Variants in ATF1 observed in about 807,000 individuals in gnomAD.
ATF1 encodes activating transcription factor 1, also known as cyclic AMP-dependent transcription factor ATF-1.
In ATF1, 16 loss-of-function variants were observed where a neutral mutation model predicts 34.7. The ratio of observed to expected loss-of-function variants is 0.46; its 90% CI spans 0.31 to 0.70. The LOEUF is 0.70. Among genes scored for constraint, ATF1 ranks in the 30% least tolerant of loss-of-function variants. The pLI is 0.05. For synonymous variants in ATF1, 105 were observed against 113.1 expected (o/e 0.93, Z 0.46); for missense variants, 255 against 321.6 (o/e 0.79, Z 1.58).
intron 2 of ATF1, among the ~76,000 whole-genome samples, chr12:50,792,791 AC>A (rs1476719398): frequency 3.9e-5 from 6 of 151,950 alleles, no homozygotes; most frequent in African/African-American, 1.5e-4. Context: ...AAGGGAAAGC[AC>A]CCTTTTATCC....
intron 1 of ATF1, among the ~76,000 whole-genome samples, chr12:50,776,014 A>G (rs1251601594): frequency 3.9e-5 from 6 of 152,024 alleles, no homozygotes; most frequent in Non-Finnish European, 8.8e-5. Flanking sequence ...CGTCTCGACA[A>G]AAAATTTTAA....
chr12:50,801,479 C>T (rs1020149846), intron 3 of ATF1, among the ~76,000 whole-genome samples: 2 of 152,004 alleles, frequency 1.3e-5, no homozygotes, highest in Admixed American at 6.6e-5. Flanking sequence ...GAAGATCAGC[C>T]AATACTGAAG....
At chr12:50,794,239 C>T (rs1047790123) in intron 2 of ATF1, among the ~76,000 whole-genome samples, 9 of 151,610 alleles carry the variant, frequency 5.9e-5, no homozygotes, top group Admixed American at 3.3e-4. Context: ...CGTGAGCCAC[C>T]GCGCCTGGCC....
intron 2 of ATF1, among the ~76,000 whole-genome samples, chr12:50,782,404 C>G (rs555233046): frequency 1.3e-5 from 2 of 151,604 alleles, no homozygotes; most frequent in Non-Finnish European, 2.9e-5. Flanking sequence ...TACAGGCGCC[C>G]GCCACCACGC....
At chr12:50,776,712 A>G (rs1225509205) in intron 1 of ATF1, among the ~76,000 whole-genome samples, 1 of 152,172 alleles carries the variant, frequency 6.6e-6, no homozygotes, top group African/African-American at 2.4e-5. Flanking sequence ...AATATTTCCA[A>G]TTCCCTTACA....
At chr12:50,765,320 A>G (rs1482525717) in intron 1 of ATF1, among the ~76,000 whole-genome samples, 1 of 152,126 alleles carries the variant, frequency 6.6e-6, no homozygotes, top group African/African-American at 2.4e-5. Flanking sequence ...ATATGCAGTT[A>G]TCTCCGTGTC....
intron 4 of ATF1, among the ~76,000 whole-genome samples, chr12:50,810,432 G>A (rs1172499517): frequency 6.6e-6 from 1 of 151,312 alleles, no homozygotes; most frequent in Admixed American, 6.6e-5. Context: ...TGGCCAGGCT[G>A]GTCTCAAACT....
chr12:50,819,473 C>G (rs1941905307), intron 6 of ATF1, among the ~76,000 whole-genome samples, 162 bp from the exon 7 acceptor site: 1 of 152,032 alleles, frequency 6.6e-6, no homozygotes, highest in African/African-American at 2.4e-5. Flanking sequence ...TACACAATTG[C>G]CAAAACTGAC....
chr12:50,766,847 AT>A (rs1197134315), intron 1 of ATF1, among the ~76,000 whole-genome samples: 6 of 151,814 alleles, frequency 4.0e-5, no homozygotes, highest in African/African-American at 1.5e-4. Flanking sequence ...TGCGTTTCTT[AT>A]TTTTTCTATT....
chr12:50,814,379 C>G lies in ATF1; in HGVS notation c.611C>G (p.Ser204Cys). ...ATGACATCTCCTGTGACTCTCACCT[C>G]TCAGACAACTAAGACAGATGACCCC... Reference protein sequence around the residue: ...VVMTSPVTLTSQTTKTDDPQL... With the variant: ...VVMTSPVTLTCQTTKTDDPQL... Residue 204 changes from serine to cysteine, a missense_variant, in exon 6 of 7, where the codon TCT becomes TGT. This residue lies in a region of ATF1 where 221 missense variants were observed against 250.7 expected (regional missense o/e 0.88). Coordinates refer to ENST00000262053, the MANE Select transcript of ATF1 (RefSeq NM_005171.5). The G allele has an allele frequency of 1.9e-6, 3 of 1,614,116 alleles. No homozygotes were observed. Among genetic ancestry groups the G allele is most frequent in the Non-Finnish European group, 2.5e-6 (3 of 1,180,002 alleles).
intron 1 of ATF1, among the ~76,000 whole-genome samples, chr12:50,772,688 C>A (rs1291238758): frequency 6.6e-6 from 1 of 151,770 alleles, no homozygotes; most frequent in African/African-American, 2.4e-5. Context: ...CTCTCTCTCT[C>A]TCTCTCTTTT....
chr12:50,809,541 T>C lies in ATF1; in HGVS notation c.280T>C (p.Ser94Pro). Residue 94 changes from serine to proline, a missense_variant, in exon 4 of 7, where the codon TCT (serine) becomes CCT (proline). Physicochemically the swap from Ser to Pro is moderately conservative, Grantham distance 74 (BLOSUM62 -1). Transcript: ENST00000262053. ...ENSGVSAAVT[S>P]MSVPTPIYQT... ...TTCTGGAGTTTCTGCTGCTGTCACT[T>C]CTATGTCTGTTCCAACTCCCATCTA... 6.2e-7 allele frequency: 1 copy of C among 1,613,874 alleles called. No individual in the cohort carries two copies. Among genetic ancestry groups the C allele is most frequent in the Non-Finnish European group, 8.5e-7 (1 of 1,179,798 alleles).
chr12:50,792,035 A>G (rs775590089), intron 2 of ATF1, among the ~76,000 whole-genome samples: 252 of 152,130 alleles, frequency 1.7e-3, no homozygotes, highest in Non-Finnish European at 3.2e-3. Flanking sequence ...AAGATTCTCC[A>G]TGTTTTTGCA....
At chr12:50,792,558 GA>G (rs1941327695) in intron 2 of ATF1, among the ~76,000 whole-genome samples, 1 of 152,098 alleles carries the variant, frequency 6.6e-6, no homozygotes, top group South Asian at 2.1e-4. Flanking sequence ...TCGAGAGTTG[GA>G]ACTTTTATAC....
intron 6 of ATF1, 96 bp from the exon 7 acceptor site, chr12:50,819,539 G>GA (rs1273340379): frequency 1.2e-5 from 17 of 1,397,062 alleles, no homozygotes; most frequent in African/African-American, 1.5e-5. Context: ...ACTTTAAAGA[G>GA]AAAAAAAGGT....
intron 1 of ATF1, among the ~76,000 whole-genome samples, chr12:50,766,323 T>C (rs922836856): frequency 5.3e-5 from 8 of 152,284 alleles, no homozygotes; most frequent in Admixed American, 2.0e-4. Flanking sequence ...TTCTAAGATA[T>C]AGGGAGTTAG....
At chr12:50,793,642 A>T (rs1404325811) in intron 2 of ATF1, among the ~76,000 whole-genome samples, 1 of 151,912 alleles carries the variant, frequency 6.6e-6, no homozygotes, top group Non-Finnish European at 1.5e-5. Context: ...TCAAAAAAAA[A>T]AAAAAAAAAT....
Position 50,813,991 on chromosome 12 carries a change from T to A in ATF1, c.329-19T>A. The A allele has an allele frequency of 1.2e-6, 2 of 1,603,902 alleles. No individual in the cohort carries two copies. The highest frequency in any genetic ancestry group is 1.7e-6 in the Non-Finnish European group (2 of 1,175,502). ...TATTATATAACCTTACAATAGCTAT[T>A]TTCTCTTTTTGATTAAAGTTGCCAT... is the stretch of plus-strand genomic sequence containing the variant. On this transcript the variant is annotated intron_variant, in intron 4 of 6. Coordinates refer to ENST00000262053, the MANE Select transcript of ATF1 (RefSeq NM_005171.5).
At chr12:50,766,946 A>G (rs1000662351) in intron 1 of ATF1, among the ~76,000 whole-genome samples, 1 of 152,316 alleles carries the variant, frequency 6.6e-6, no homozygotes, top group Non-Finnish European at 1.5e-5. Context: ...TCTGGGGGCA[A>G]ATTTAAGCCT....
Sources: gnomAD v4.1 joint callset for allele counts (sites outside exome capture counted in the v4.1 genomes callset) on GRCh38, gnomAD v4.1.1 for gene constraint, gnomAD v4.1.1 regional missense constraint, MANE v1.5 for transcripts, NCBI Gene and HGNC (gene_info 2026-07-23, HGNC 2026-07-21) for gene names.